The following ANTXR2 variants were observed in gnomAD, a reference collection of about 807,000 sequenced individuals.
The protein encoded by ANTXR2 is ANTXR cell adhesion molecule 2.
In ANTXR2, 44 loss-of-function variants were observed where a neutral mutation model predicts 73.7. That is an observed-to-expected ratio of 0.60 (90% CI 0.47 to 0.77). The LOEUF is 0.77. Among genes scored for constraint, ANTXR2 ranks in the 30% least tolerant of loss-of-function variants. ANTXR2 has a pLI of 0.00. For synonymous variants in ANTXR2, 217 were observed against 205.9 expected (o/e 1.05, Z -0.46); for missense variants, 604 against 592.5 (o/e 1.02, Z -0.20).
At chr4:80,068,255 CTT>C (rs1734601592) in intron 3 of ANTXR2, among the ~76,000 whole-genome samples, 1 of 152,172 alleles carries the variant, frequency 6.6e-6, no homozygotes, top group African/African-American at 2.4e-5. Context: ...TTACAGTTAA[CTT>C]TTCAGAAATT....
intron 9 of ANTXR2, 23 bp downstream of exon 9, chr4:80,033,449 C>T (rs1266567836): frequency 2.6e-6 from 4 of 1,557,714 alleles, no homozygotes; most frequent in South Asian, 1.2e-5. Context: ...ATTAAGACAA[C>T]ACTGAGATTA....
chr4:79,976,295 T>C (rs987214714), intron 16 of ANTXR2, among the ~76,000 whole-genome samples: 2 of 152,222 alleles, frequency 1.3e-5, no homozygotes, highest in Admixed American at 6.5e-5. Context: ...AATGATCATG[T>C]TGACACACAG....
intron 10 of ANTXR2, among the ~76,000 whole-genome samples, chr4:80,030,039 T>C (rs1732615064): frequency 6.6e-6 from 1 of 151,954 alleles, no homozygotes; most frequent in Admixed American, 6.6e-5. Flanking sequence ...AAGATCACTC[T>C]TGTGAAGGAT....
chr4:79,949,521 C>T (rs1489415994), intron 16 of ANTXR2, among the ~76,000 whole-genome samples: 2 of 152,130 alleles, frequency 1.3e-5, no homozygotes, highest in African/African-American at 4.8e-5. Context: ...GTATTGCTTA[C>T]AGAAATGTAC....
intron 16 of ANTXR2, among the ~76,000 whole-genome samples, chr4:79,965,999 A>C (rs1729346362): frequency 6.6e-6 from 1 of 152,162 alleles, no homozygotes; most frequent in Non-Finnish European, 1.5e-5. Flanking sequence ...TTAGGGATGT[A>C]AATTTGCAAA....
At chr4:79,937,652 T>C (rs1353352506) in intron 16 of ANTXR2, among the ~76,000 whole-genome samples, 1 of 152,234 alleles carries the variant, frequency 6.6e-6, no homozygotes, top group African/African-American at 2.4e-5. Flanking sequence ...ACTTGAATGC[T>C]TATGTATATA....
chr4:79,974,228 T>A (rs1459707746), intron 16 of ANTXR2, among the ~76,000 whole-genome samples: 1 of 152,000 alleles, frequency 6.6e-6, no homozygotes. Context: ...AATTTGCAGG[T>A]AAGAAAACAT....
intron 7 of ANTXR2, among the ~76,000 whole-genome samples, chr4:80,042,039 T>C (rs937761080): frequency 6.6e-6 from 1 of 152,148 alleles, no homozygotes; most frequent in South Asian, 2.1e-4. Flanking sequence ...ACTTATAAGA[T>C]AGCCAAATAC....
chr4:80,071,257 G>A (rs908718984), intron 2 of ANTXR2, among the ~76,000 whole-genome samples: 4 of 96,242 alleles, frequency 4.2e-5, no homozygotes, highest in African/African-American at 6.5e-5. Flanking sequence ...GATACTATTC[G>A]CATAAAATTT....
intron 12 of ANTXR2, among the ~76,000 whole-genome samples, chr4:80,000,698 A>G (rs1730987550): frequency 6.6e-6 from 1 of 152,120 alleles, no homozygotes; most frequent in Non-Finnish European, 1.5e-5. Context: ...AATATAAAAC[A>G]TCATAGAAGG....
At chr4:80,014,820 C>A (rs886572359) in intron 11 of ANTXR2, among the ~76,000 whole-genome samples, 3 of 152,088 alleles carry the variant, frequency 2.0e-5, no homozygotes, top group African/African-American at 7.2e-5. Flanking sequence ...AGCACTACCT[C>A]CTATTAGGAA....
At chr4:79,972,933 A>AAAAAAAG (rs1729481895) in intron 16 of ANTXR2, among the ~76,000 whole-genome samples, 1 of 147,326 alleles carries the variant, frequency 6.8e-6, no homozygotes, top group Admixed American at 6.7e-5. Context: ...AAAAAAAAAA[A>AAAAAAAG]AAAAAAGAAT....
chr4:80,037,018 G>C (rs1017960303), intron 7 of ANTXR2, among the ~76,000 whole-genome samples: 1 of 152,058 alleles, frequency 6.6e-6, no homozygotes, highest in Non-Finnish European at 1.5e-5. Flanking sequence ...GCTCTTCTTA[G>C]CTTGTTCTGA....
At chr4:80,024,000 T>G (rs183263592) in intron 10 of ANTXR2, among the ~76,000 whole-genome samples, 1 of 152,326 alleles carries the variant, frequency 6.6e-6, no homozygotes, top group East Asian at 1.9e-4. Context: ...AGAATAAATT[T>G]CAAAAGTAGA....
chr4:79,945,266 C>T (rs1431592156), intron 16 of ANTXR2, among the ~76,000 whole-genome samples: 9 of 151,966 alleles, frequency 5.9e-5, no homozygotes, highest in African/African-American at 2.2e-4. Flanking sequence ...GGAACATGCC[C>T]TAAGTTTTGT....
intron 7 of ANTXR2, among the ~76,000 whole-genome samples, chr4:80,037,259 A>G (rs1020661043): frequency 6.6e-6 from 1 of 152,162 alleles, no homozygotes; most frequent in African/African-American, 2.4e-5. Context: ...TTTCATAACT[A>G]GAATAGGAAG....
At chr4:79,908,962 A>T (rs1358364877) in intron 16 of ANTXR2, among the ~76,000 whole-genome samples, 1 of 152,178 alleles carries the variant, frequency 6.6e-6, no homozygotes, top group African/African-American at 2.4e-5. Flanking sequence ...ATGGTTAGAA[A>T]TACTTTTTCA....
intron 10 of ANTXR2, 99 bp from the exon 11 acceptor site, chr4:80,019,075 A>T: frequency 1.3e-6 from 1 of 790,206 alleles, no homozygotes; most frequent in Non-Finnish European, 1.9e-6. Context: ...CAGAAAACAT[A>T]CTTAAAGAGT....
rs138281049 is a variant in ANTXR2, at chr4:80,057,643, C to G, written c.297-1630G>C. Among the ~76,000 whole-genome samples the G allele has an allele frequency of 2.0e-3, 305 of 152,022 alleles. 1 individual carries two copies. The highest frequency in any genetic ancestry group is 2.6e-3 in the Non-Finnish European group (174 of 67,926). On this transcript the variant is annotated intron_variant, in intron 3 of 16. Coordinates refer to ENST00000403729, the MANE Select transcript of ANTXR2 (RefSeq NM_058172.6). The stretch of plus-strand genomic sequence containing the variant: ...TGAACCATTCTTTAAGTTCATTACA[C>G]TCTTATTCTGAGTCACCCCAAGCTT...
Sources: allele counts gnomAD v4.1 joint callset (sites outside exome capture counted in the v4.1 genomes callset), GRCh38; gene constraint gnomAD v4.1.1; transcripts MANE v1.5; gene names NCBI Gene and HGNC (gene_info 2026-07-23, HGNC 2026-07-21).